Variants in SH3KBP1 observed in about 807,000 individuals in gnomAD.
SH3KBP1 encodes the protein SH3 domain containing kinase binding protein 1.
In SH3KBP1, 8 loss-of-function variants were observed where a neutral mutation model predicts 50.1. The ratio of observed to expected loss-of-function variants is 0.16; its 90% CI spans 0.09 to 0.29. The LOEUF (loss-of-function observed/expected upper bound fraction) is 0.29, where lower values mean the gene tolerates loss of function less well. Ranked by LOEUF, SH3KBP1 falls within the 10% of genes least tolerant of loss-of-function variation. SH3KBP1 has a pLI of 1.00. For missense variants in SH3KBP1, 377 were observed against 535.2 expected, an observed-to-expected ratio of 0.70 and a Z score of 2.92; for synonymous variants, 227 against 218.6, an observed-to-expected ratio of 1.04 and a Z score of -0.34.
chrX:19,605,355 G>A (rs181001889), intron 9 of SH3KBP1, among the ~76,000 whole-genome samples: 8 of 111,685 alleles, frequency 7.2e-5, no homozygotes, highest in Non-Finnish European at 1.5e-4. Flanking sequence ...AAAGCATCAC[G>A]TTGTAAACAT....
At chrX:19,561,492 T>C (rs1476857462) in intron 13 of SH3KBP1, among the ~76,000 whole-genome samples, 1 of 112,078 alleles carries the variant, frequency 8.9e-6, no homozygotes, top group African/African-American at 3.2e-5. Context: ...CACTTAAGTT[T>C]TTACCTGAGC....
intron 1 of SH3KBP1, among the ~76,000 whole-genome samples, chrX:19,839,381 G>A (rs1370263652): frequency 9.6e-6 from 1 of 103,915 alleles, no homozygotes; most frequent in Non-Finnish European, 2.0e-5. Context: ...CTGTTGCCCA[G>A]GCTGGAGTGC....
intron 13 of SH3KBP1, among the ~76,000 whole-genome samples, chrX:19,563,309 C>T (rs780806517): frequency 9.8e-5 from 11 of 112,292 alleles, no homozygotes; most frequent in Non-Finnish European, 1.3e-4. Flanking sequence ...GGATGCCTTT[C>T]GAAATGAGTG....
intron 9 of SH3KBP1, among the ~76,000 whole-genome samples, chrX:19,602,627 TA>T (rs1200702246): frequency 8.9e-6 from 1 of 112,353 alleles, no homozygotes; most frequent in Non-Finnish European, 1.9e-5. Flanking sequence ...TTTGGAAGGC[TA>T]AAAAATAGGG....
chrX:19,682,602 C>T (rs1209811563), intron 6 of SH3KBP1, among the ~76,000 whole-genome samples: 1 of 110,590 alleles, frequency 9.0e-6, no homozygotes, highest in Non-Finnish European at 1.9e-5. Context: ...AGAGCTGGGA[C>T]ACTAGTTTTC....
Position 19,816,786 on chromosome X carries a change from C to A in SH3KBP1, c.162+19339G>T, listed in dbSNP as rs1348069898. On this transcript the variant is annotated intron_variant, in intron 2 of 17. Coordinates refer to ENST00000397821, the MANE Select transcript of SH3KBP1 (RefSeq NM_031892.3). Reference sequence around the variant, plus strand: ...CTGTGCCACTGCACTCTAGCCTGGGCAACGGAGCAAAAACAAAAAAGATTT... The same window carrying A: ...CTGTGCCACTGCACTCTAGCCTGGGAAACGGAGCAAAAACAAAAAAGATTT... Among the ~76,000 whole-genome samples the A allele has an allele frequency of 1.8e-5, 2 of 111,615 alleles. 1 individual carries two copies. The highest frequency in any genetic ancestry group is 3.8e-5 in the Non-Finnish European group (2 of 53,074).
chrX:19,766,574 G>A (rs181714214), intron 2 of SH3KBP1, among the ~76,000 whole-genome samples: 103 of 86,769 alleles, frequency 1.2e-3, no homozygotes, highest in Non-Finnish European at 1.7e-3. Context: ...GCACAATCTC[G>A]GCTCACCGCA....
chrX:19,866,305 G>C (rs2068905726), intron 1 of SH3KBP1, among the ~76,000 whole-genome samples: 1 of 111,823 alleles, frequency 8.9e-6, no homozygotes, highest in Non-Finnish European at 1.9e-5. Context: ...CTTTGGAGGG[G>C]ACAGTAAAAC....
intron 2 of SH3KBP1, among the ~76,000 whole-genome samples, chrX:19,790,732 C>T (rs755305525): frequency 9.0e-6 from 1 of 110,663 alleles, no homozygotes; most frequent in Non-Finnish European, 1.9e-5. Context: ...GTAGTAATGA[C>T]TGTAACATGA....
intron 3 of SH3KBP1, among the ~76,000 whole-genome samples, chrX:19,717,181 C>G (rs1228677296): frequency 1.8e-5 from 2 of 111,559 alleles, no homozygotes; most frequent in African/African-American, 6.5e-5. Flanking sequence ...CAGACATACG[C>G]CAAACAATTG....
At chrX:19,700,140 CAAGAGTTGTTT>C (rs2063508875) in intron 4 of SH3KBP1, among the ~76,000 whole-genome samples, 1 of 111,304 alleles carries the variant, frequency 9.0e-6, no homozygotes, top group Non-Finnish European at 1.9e-5. Context: ...TTCATTGTTT[CAAGAGTTGTTT>C]TACCATTCTT....
chrX:19,770,792 T>C (rs2065768213), intron 2 of SH3KBP1, among the ~76,000 whole-genome samples: 1 of 110,940 alleles, frequency 9.0e-6, no homozygotes, highest in Non-Finnish European at 1.9e-5. Flanking sequence ...ATTTCCCTAA[T>C]GATCAACGAT....
chrX:19,589,357 G>A (rs1308898487), intron 11 of SH3KBP1, among the ~76,000 whole-genome samples: 1 of 111,414 alleles, frequency 9.0e-6, no homozygotes, highest in East Asian at 2.8e-4. Flanking sequence ...GGACCTGCTG[G>A]GTATGGGAAG....
intron 8 of SH3KBP1, among the ~76,000 whole-genome samples, chrX:19,613,457 C>T (rs1198372841): frequency 1.8e-5 from 2 of 111,882 alleles, no homozygotes; most frequent in Non-Finnish European, 3.8e-5. Flanking sequence ...TTGGCATGAA[C>T]TCAGGGGAAA....
In SH3KBP1 at chrX:19,536,411, A is replaced by G; in HGVS notation, c.*6T>C. 1.8e-6 allele frequency: 2 copies of G among 1,123,805 alleles called. No individual in the cohort carries two copies. Among genetic ancestry groups the G allele is most frequent in the Non-Finnish European group, 2.4e-6 (2 of 826,200 alleles). The allele number at this position is 1,123,805 out of a possible 1,213,427, so 92.6% of individuals were successfully genotyped here. A position where few individuals can be genotyped will look rare whatever the true frequency, so the allele number is the denominator to read the frequency against. On this transcript the variant is annotated 3_prime_UTR_variant, in exon 18 of 18. Transcript: ENST00000397821. ...TGAATAATGTGACATTTCATTGATC[A>G]AGTATTCATTTTGATTGTAGAGCTT...
At chrX:19,876,975 GC>G (rs2069274217) in intron 1 of SH3KBP1, among the ~76,000 whole-genome samples, 1 of 110,534 alleles carries the variant, frequency 9.0e-6, no homozygotes, top group Non-Finnish European at 1.9e-5. Context: ...TCCACCCTCC[GC>G]AAGCCAATTA....
At chrX:19,629,784 C>G (rs2061535310) in intron 8 of SH3KBP1, among the ~76,000 whole-genome samples, 1 of 112,266 alleles carries the variant, frequency 8.9e-6, no homozygotes, top group African/African-American at 3.2e-5. Context: ...TCATGTTTTG[C>G]AAATATAATA....
intron 1 of SH3KBP1, among the ~76,000 whole-genome samples, chrX:19,884,551 A>G (rs1196636218): frequency 1.8e-5 from 2 of 111,586 alleles, no homozygotes; most frequent in Non-Finnish European, 3.8e-5. Flanking sequence ...TTAAGGTGGG[A>G]GCCTTTTCTT....
At chrX:19,764,513 G>C (rs2065531330) in intron 2 of SH3KBP1, among the ~76,000 whole-genome samples, 1 of 110,556 alleles carries the variant, frequency 9.0e-6, no homozygotes, top group South Asian at 3.8e-4. Flanking sequence ...GAGGCCCCCA[G>C]AAGTGACACT....
Sources: gnomAD v4.1 joint callset for allele counts (sites outside exome capture counted in the v4.1 genomes callset) on GRCh38, gnomAD v4.1.1 for gene constraint, MANE v1.5 for transcripts, NCBI Gene and HGNC (gene_info 2026-07-23, HGNC 2026-07-21) for gene names.